USP39: variants seen among roughly 807,000 people sequenced by gnomAD.
The protein encoded by USP39 is ubiquitin specific peptidase 39.
A neutral mutation model predicts 66.4 loss-of-function variants in USP39; 38 were observed. The ratio of observed to expected loss-of-function variants is 0.57; its 90% CI spans 0.44 to 0.75. The LOEUF is 0.75. Among genes scored for constraint, USP39 ranks in the 30% least tolerant of loss-of-function variants. USP39 has a pLI of 0.00. For synonymous variants in USP39, 303 were observed against 274.6 expected (o/e 1.10, Z -1.02); for missense variants, 608 against 714.4 (o/e 0.85, Z 1.70).
upstream of USP39, among the ~76,000 whole-genome samples, chr2:85,615,339 A>C (rs1018682885): frequency 6.6e-6 from 1 of 152,044 alleles, no homozygotes; most frequent in African/African-American, 2.4e-5. Context: ...CACTTTAAAC[A>C]TGTAGTTTGT....
intron 5 of USP39, among the ~76,000 whole-genome samples, chr2:85,627,703 G>A (rs1674985433): frequency 6.6e-6 from 1 of 152,036 alleles, no homozygotes; most frequent in African/African-American, 2.4e-5. Flanking sequence ...GGAGGCTGAG[G>A]TGGGAGGATC....
chr2:85,629,341 G>C (rs72846619), intron 5 of USP39, among the ~76,000 whole-genome samples: 4 of 150,674 alleles, frequency 2.7e-5, no homozygotes, highest in Non-Finnish European at 5.9e-5. Flanking sequence ...GATTATAGAC[G>C]TGAACCATCG....
chr2:85,618,199 G>T (rs1409925459), intron 1 of USP39, among the ~76,000 whole-genome samples: 3 of 151,730 alleles, frequency 2.0e-5, no homozygotes, highest in Non-Finnish European at 4.4e-5. Context: ...CAGGTGAGCC[G>T]CCTGCCTCTG....
intron 1 of USP39, 70 bp from the exon 2 acceptor site, chr2:85,619,150 T>C (rs1674245923): frequency 6.5e-7 from 1 of 1,536,928 alleles, no homozygotes; most frequent in African/African-American, 1.4e-5. Flanking sequence ...TCTGTTTCTT[T>C]TTTTGTTCTG....
chr2:85,622,130 T>C (rs1674512149), intron 3 of USP39, among the ~76,000 whole-genome samples: 1 of 146,234 alleles, frequency 6.8e-6, no homozygotes, highest in Non-Finnish European at 1.5e-5. Context: ...TAATTTTTTT[T>C]TTTTTTAAGA....
At chr2:85,623,477 T>A in intron 3 of USP39, 169 bp from the exon 4 acceptor site, 1 of 990,384 alleles carries the variant, frequency 1.0e-6, no homozygotes, top group South Asian at 2.2e-5. Flanking sequence ...TTCTTGCTAA[T>A]TTTTTTATGA....
At chr2:85,623,832 C>G in intron 4 of USP39, 50 bp downstream of exon 4, 1 of 1,542,238 alleles carries the variant, frequency 6.5e-7, no homozygotes, top group South Asian at 1.2e-5. Context: ...ATGAGCCATC[C>G]CAGGGCTCCC....
At chr2:85,618,575 CAAAA>C (rs994160298) in intron 1 of USP39, among the ~76,000 whole-genome samples, 3 of 136,870 alleles carry the variant, frequency 2.2e-5, no homozygotes, top group African/African-American at 8.0e-5. Context: ...AAAAAAAAAA[CAAAA>C]AAAAAACGAA....
upstream of USP39, chr2:85,616,118 C>T (rs752053431): frequency 5.9e-4 from 815 of 1,385,370 alleles, no homozygotes; most frequent in Middle Eastern, 2.7e-3. Context: ...TCGCTACCAG[C>T]CCCTCTCCTG....
chr2:85,635,359 A>G (rs549016737), intron 6 of USP39, among the ~76,000 whole-genome samples: 170 of 152,268 alleles, frequency 1.1e-3, no homozygotes, highest in Admixed American at 2.3e-3. Context: ...CAAGAGTTCG[A>G]GACCGGCCTG....
chr2:85,614,979 AGTGTGGTGTGGTGTGGTGTG>A (rs146502279), upstream of USP39, among the ~76,000 whole-genome samples: 9,647 of 145,042 alleles, frequency 0.067, 424 homozygotes, highest in Non-Finnish European at 0.098. Context: ...AATTGCACAC[AGTGTGGTGTGGTGTGGTGTG>A]GTGTGGTGTG....
intron 4 of USP39, 117 bp from the exon 5 acceptor site, chr2:85,625,422 C>G: frequency 3.7e-6 from 5 of 1,345,556 alleles, no homozygotes; most frequent in Middle Eastern, 2.1e-4. Context: ...GACTATTTTT[C>G]TGTGTGTGGT....
intron 5 of USP39, among the ~76,000 whole-genome samples, chr2:85,629,888 G>T (rs1473981211): frequency 6.6e-6 from 1 of 151,936 alleles, no homozygotes; most frequent in Non-Finnish European, 1.5e-5. Context: ...CTTGAACCCT[G>T]GAGGCAGAGG....
upstream of USP39, chr2:85,609,345 G>C: frequency 1.3e-6 from 2 of 1,520,396 alleles, no homozygotes; most frequent in Non-Finnish European, 1.8e-6. Context: ...TTCCCATTGG[G>C]GGTCCTGAGG....
upstream of USP39, chr2:85,611,663 C>T (rs1442833519): frequency 2.6e-6 from 4 of 1,557,532 alleles, no homozygotes; most frequent in Non-Finnish European, 3.5e-6. Context: ...GGCGGGCGGC[C>T]TCACCTCGGT....
At chr2:85,628,374 T>C (rs1168103400) in intron 5 of USP39, among the ~76,000 whole-genome samples, 1 of 152,144 alleles carries the variant, frequency 6.6e-6, no homozygotes, top group African/African-American at 2.4e-5. Context: ...CTCGATCTCC[T>C]GACTTCGTGA....
At chr2:85,615,037 T>TGGGC (rs1558844079), upstream of USP39, among the ~76,000 whole-genome samples, 8 of 131,162 alleles carry the variant, frequency 6.1e-5, no homozygotes, top group African/African-American at 2.8e-4. Context: ...GTGGTGTGGG[T>TGGGC]ATGACAGAGT....
At chr2:85,643,229 A>G (rs1035584274) in intron 10 of USP39, among the ~76,000 whole-genome samples, 5 of 152,084 alleles carry the variant, frequency 3.3e-5, no homozygotes, top group Non-Finnish European at 2.9e-5. Context: ...GGTGGCTCAC[A>G]CCTGTAATCC....
At chr2:85,610,390 C>T (rs955865115), upstream of USP39, 1 of 152,204 alleles carries the variant, frequency 6.6e-6, no homozygotes, top group Non-Finnish European at 1.5e-5. Flanking sequence ...CAGCACAATC[C>T]TGTCACACAG....
Sources: gnomAD v4.1 joint callset for allele counts (sites outside exome capture counted in the v4.1 genomes callset) on GRCh38, gnomAD v4.1.1 for gene constraint, MANE v1.5 for transcripts, NCBI Gene and HGNC (gene_info 2026-07-23, HGNC 2026-07-21) for gene names.